Variants in BAIAP2L2 observed in about 807,000 individuals in gnomAD.
BAIAP2L2 encodes BAR/IMD domain-containing adapter protein 2-like 2.
Under a neutral mutation model 60.4 loss-of-function variants are expected in BAIAP2L2, and 65 were observed. That is an observed-to-expected ratio of 1.08 (90% CI 0.88 to 1.32). The LOEUF (loss-of-function observed/expected upper bound fraction) is 1.32. Ranked by LOEUF, BAIAP2L2 falls within the 40% of genes most tolerant of loss-of-function variation. The pLI, the probability that BAIAP2L2 is intolerant of heterozygous loss-of-function variation, is 0.00. For missense variants in BAIAP2L2, 836 were observed against 741.2 expected (o/e 1.13, Z -1.48); for synonymous variants, 344 against 301.7 (o/e 1.14, Z -1.45).
In BAIAP2L2 at chr22:38,097,026, A is replaced by C. The variant is rs1025787247; in HGVS notation, c.612+6T>G. On this transcript the variant is annotated splice_donor_region_variant and intron_variant, in intron 7 of 13. Coordinates refer to ENST00000381669, the MANE Select transcript of BAIAP2L2 (RefSeq NM_025045.6). Reference sequence around the variant, plus strand: ...GCCCCGCTTGCTGCCCCCCAGTCCAACTCACCCGGCCGAAGAACTGCAGGA... The same window carrying C: ...GCCCCGCTTGCTGCCCCCCAGTCCACCTCACCCGGCCGAAGAACTGCAGGA... 3 of 1,608,912 alleles carry C rather than the reference A, an allele frequency of 1.9e-6. No homozygotes were observed. The African/African-American group carries it at 4.0e-5, about 21-fold the overall frequency.
Position 38,085,034 on chromosome 22 carries a change from TG to T in BAIAP2L2, c.*265del. The T allele has an allele frequency of 2.3e-6, 1 of 443,802 alleles. No homozygotes were observed. The highest frequency in any genetic ancestry group is 4.1e-6 in the Non-Finnish European group (1 of 243,112). The allele number at this position is 443,802 out of a possible 1,614,324, so 27.5% of individuals were successfully genotyped here. A position where few individuals can be genotyped will look rare whatever the true frequency, so the allele number is the denominator to read the frequency against. On this transcript the variant is annotated 3_prime_UTR_variant, in exon 14 of 14. Coordinates refer to ENST00000381669, the MANE Select transcript of BAIAP2L2 (RefSeq NM_025045.6). Reference sequence around the variant, plus strand: ...GGGAAAGAGGTTAGGGGGCAAGAGGTGGGCCCCCCAGGGAGAGTCCTGGAGC... The same window carrying T: ...GGGAAAGAGGTTAGGGGGCAAGAGGTGGCCCCCCAGGGAGAGTCCTGGAGC...
chr22:38,087,380 A>G, intron 10 of BAIAP2L2, 116 bp from the exon 11 acceptor site: 1 of 1,199,732 alleles, frequency 8.3e-7, no homozygotes, highest in South Asian at 1.4e-5. Context: ...GAATTGACAG[A>G]CTACAATCAA....
chr22:38,109,401 C>T (rs560284511), intron 1 of BAIAP2L2, among the ~76,000 whole-genome samples, 193 bp from the exon 2 acceptor site: 7 of 152,190 alleles, frequency 4.6e-5, no homozygotes, highest in African/African-American at 1.4e-4. Flanking sequence ...GACCTCAGAG[C>T]CCATCTTTTG....
chr22:38,086,089 C>A (rs1244349726), intron 12 of BAIAP2L2, among the ~76,000 whole-genome samples, 153 bp downstream of exon 12: 2 of 152,214 alleles, frequency 1.3e-5, no homozygotes, highest in African/African-American at 4.8e-5. Context: ...CCAGACTCAG[C>A]CCCACACCAC....
chr22:38,088,644 C>A, intron 10 of BAIAP2L2, 104 bp downstream of exon 10: 3 of 1,208,492 alleles, frequency 2.5e-6, no homozygotes, highest in Non-Finnish European at 3.4e-6. Context: ...GTCCGAGGCC[C>A]CCGGGGGAGG....
chr22:38,087,950 G>A (rs533090189), intron 10 of BAIAP2L2, among the ~76,000 whole-genome samples: 3 of 140,670 alleles, frequency 2.1e-5, no homozygotes, highest in South Asian at 4.8e-4. Context: ...CTACCCAGAC[G>A]CACATCCCCT....
rs886288562 is a variant in BAIAP2L2, at chr22:38,108,300, T to C, written c.169A>G (p.Lys57Glu). The change falls in exon 3 of 14, where the codon AAG (lysine) becomes GAG (glutamate). Residue 57 changes from lysine to glutamate, a missense_variant. Physicochemically the swap from Lys to Glu is moderately conservative, Grantham distance 56. Transcript: ENST00000381669. ...AAEVYFSAIQ[K>E]IGERALQSPT... is the part of the protein sequence containing the mutation. ...CTCTGCAGGGCACGCTCCCCAATCT[T>C]CTGGATGGCACTGAAGTAGACCTCG... is the stretch of plus-strand genomic sequence containing the variant. 3 of 1,612,746 alleles carry C rather than the reference T, an allele frequency of 1.9e-6. No individual in the cohort carries two copies. The highest frequency in any genetic ancestry group is 2.5e-6 in the Non-Finnish European group (3 of 1,179,912).
Position 38,088,976 on chromosome 22 carries a change from A to T in BAIAP2L2, c.902-12T>A. ...GCTGTAGAGCGAGGCTGTGGGCGGG[A>T]GAGCGCGGCGGCACGTGGGCAGGAA... On this transcript the variant is annotated splice_polypyrimidine_tract_variant and intron_variant, in intron 9 of 13. Coordinates refer to ENST00000381669, the MANE Select transcript of BAIAP2L2 (RefSeq NM_025045.6). 1 of 1,496,850 alleles carries T rather than the reference A, an allele frequency of 6.7e-7. No homozygotes were observed. Among genetic ancestry groups the T allele is most frequent in the Non-Finnish European group, 8.9e-7 (1 of 1,126,796 alleles). The allele number at this position is 1,496,850 out of a possible 1,614,324, so 92.7% of individuals were successfully genotyped here. A position where few individuals can be genotyped will look rare whatever the true frequency, so the allele number is the denominator to read the frequency against.
chr22:38,107,748 G>T, intron 4 of BAIAP2L2, 104 bp downstream of exon 4: 1 of 1,114,710 alleles, frequency 9.0e-7, no homozygotes, highest in Non-Finnish European at 1.3e-6. Context: ...GGGCAGCCAC[G>T]GTCATCCTCC....
At position 38,088,933 on chromosome 22, in the gene BAIAP2L2, C is replaced by G; in HGVS notation, c.933G>C (p.Ser311=). 1 of 1,540,288 alleles carries G rather than the reference C, an allele frequency of 6.5e-7. No individual in the cohort carries two copies. Among genetic ancestry groups the G allele is most frequent in the Non-Finnish European group, 8.7e-7 (1 of 1,149,640 alleles). Residue 311 remains serine (S), a synonymous_variant, in exon 10 of 14, where the codon TCG becomes TCC. Transcript: ENST00000381669. The stretch of plus-strand genomic sequence containing the variant: ...GGCGCTCGCCAAAGGAGTTGGAGCG[C>G]GAGCTTTGGGCGCTGCCGCTGTAGA... ...SSLYSGSAQS[S]RSNSFGERPG...
chr22:38,110,565 G>T lies in BAIAP2L2; in HGVS notation c.-40C>A, dbSNP rs753975894. On this transcript the variant is annotated 5_prime_UTR_variant, in exon 1 of 14. Coordinates refer to ENST00000381669, the MANE Select transcript of BAIAP2L2 (RefSeq NM_025045.6). ...GGGTCTGAGCAGGAGGCTGGGAGCT[G>T]GTGGCGATGGCACAGCCGGGAGCAG... 1 of 1,563,264 alleles carries T rather than the reference G, an allele frequency of 6.4e-7. No homozygotes were observed. The highest frequency in any genetic ancestry group is 8.7e-7 in the Non-Finnish European group (1 of 1,144,884).
At chr22:38,110,155 GAC>G (rs1207065864) in intron 1 of BAIAP2L2, among the ~76,000 whole-genome samples, 10 of 105,660 alleles carry the variant, frequency 9.5e-5, no homozygotes, top group East Asian at 2.6e-4. Flanking sequence ...GAGAGGGAGA[GAC>G]AGAGAGAGAG....
chr22:38,099,172 A>G (rs576158185), intron 4 of BAIAP2L2, among the ~76,000 whole-genome samples: 2 of 152,252 alleles, frequency 1.3e-5, no homozygotes, highest in Admixed American at 1.3e-4. Context: ...TCTGCCTCCT[A>G]TTTGCTTTGT....
chr22:38,097,041 G>A lies in BAIAP2L2; in HGVS notation c.603C>T (p.Phe201=). The change falls in exon 7 of 14, where the codon TTC becomes TTT. Residue 201 remains phenylalanine, a synonymous_variant. Transcript: ENST00000381669. ...CCCCAGTCCAACTCACCCGGCCGAAGAACTGCAGGAAGGTGTTGGAAAGTA... is the reference window on the plus strand; with the variant it reads ...CCCCAGTCCAACTCACCCGGCCGAAAAACTGCAGGAAGGTGTTGGAAAGTA... ...HLLLSNTFLQ[F]FGRARGMLQN... 1.9e-6 allele frequency: 3 copies of A among 1,612,774 alleles called. No homozygotes were observed. The highest frequency in any genetic ancestry group is 2.2e-5 in the East Asian group (1 of 44,848).
At chr22:38,107,667 C>A (rs1239224174) in intron 4 of BAIAP2L2, among the ~76,000 whole-genome samples, 185 bp downstream of exon 4, 1 of 152,128 alleles carries the variant, frequency 6.6e-6, no homozygotes, top group Non-Finnish European at 1.5e-5. Context: ...ATGCCACCAG[C>A]CTCCTAGGGC....
chr22:38,085,937 C>A (rs1360945750), intron 12 of BAIAP2L2, among the ~76,000 whole-genome samples: 1 of 152,204 alleles, frequency 6.6e-6, no homozygotes, highest in East Asian at 1.9e-4. Context: ...GGCCAGAGCA[C>A]CACCTCCAAG....
chr22:38,098,064 T>G lies in BAIAP2L2; in HGVS notation c.464A>C (p.Lys155Thr). Reference sequence around the variant, plus strand: ...ACCCCCGCTTCCCGGCCCTCGCACCTTCATCTCCCGCACGTTCTTGTCTCT... The same window carrying G: ...ACCCCCGCTTCCCGGCCCTCGCACCGTCATCTCCCGCACGTTCTTGTCTCT... ...RKRDKNVREM[K>T]ESVNRLHAQM... Residue 155 changes from lysine (K) to threonine (T), a missense_variant and splice_region_variant, in exon 6 of 14, where the codon AAG becomes ACG. By Grantham distance (78) the Lys-to-Thr change is moderately conservative. Transcript: ENST00000381669. The G allele has an allele frequency of 7.7e-7, 1 of 1,294,130 alleles. No individual in the cohort carries two copies. The highest frequency in any genetic ancestry group is 1.0e-6 in the Non-Finnish European group (1 of 963,596). 80.2% of individuals were successfully genotyped at this position (1,294,130 alleles called of 1,614,324 possible).
chr22:38,098,025 G>A (rs201911939), intron 6 of BAIAP2L2, 38 bp downstream of exon 6: 19 of 648,438 alleles, frequency 2.9e-5, no homozygotes, highest in Middle Eastern at 3.0e-4. Context: ...CTGCCCACCC[G>A]CCCTTCCTGG....
chr22:38,085,036 G>C lies in BAIAP2L2; in HGVS notation c.*264C>G, dbSNP rs2086010982. ...GAAAGAGGTTAGGGGGCAAGAGGTG[G>C]GCCCCCCAGGGAGAGTCCTGGAGCC... On this transcript the variant is annotated 3_prime_UTR_variant, in exon 14 of 14. Coordinates refer to ENST00000381669, the MANE Select transcript of BAIAP2L2 (RefSeq NM_025045.6). The C allele has an allele frequency of 1.1e-5, 5 of 453,086 alleles. No homozygotes were observed. Among genetic ancestry groups the C allele is most frequent in the Non-Finnish European group, 1.6e-5 (4 of 248,034 alleles). The allele number at this position is 453,086 out of a possible 1,614,324, so 28.1% of individuals were successfully genotyped here. A position where few individuals can be genotyped will look rare whatever the true frequency, so the allele number is the denominator to read the frequency against.
Sources: allele counts gnomAD v4.1 joint callset (sites outside exome capture counted in the v4.1 genomes callset), GRCh38; gene constraint gnomAD v4.1.1; transcripts MANE v1.5; gene names NCBI Gene and HGNC (gene_info 2026-07-23, HGNC 2026-07-21).